APC: variants seen among roughly 807,000 people sequenced by gnomAD.
APC encodes APC regulator of Wnt signaling pathway, also known as adenomatous polyposis coli protein.
APC carries 72 observed loss-of-function variants against 247.0 expected under a neutral mutation model. The ratio of observed to expected loss-of-function variants is 0.29; its 90% confidence interval spans 0.24 to 0.35. The LOEUF is 0.35. Among genes scored for constraint, APC ranks in the 10% least tolerant of loss-of-function variants. The probability of loss-of-function intolerance (pLI) is 1.00; values close to 1 mark genes in which losing one functional copy is unlikely to be tolerated. For synonymous variants in APC, 1,254 were observed against 1,162.5 expected (o/e 1.08, Z -1.60); for missense variants, 3,400 against 3,360.7 (o/e 1.01, Z -0.29).
At chr5:112,795,014 G>A (rs938693937) in intron 7 of APC, among the ~76,000 whole-genome samples, 2 of 152,068 alleles carry the variant, frequency 1.3e-5, no homozygotes, top group African/African-American at 2.4e-5. Flanking sequence ...CACTCTTCTA[G>A]CACTTCATTG....
At chr5:112,825,272 C>A (rs1162970968) in intron 11 of APC, among the ~76,000 whole-genome samples, 1 of 152,220 alleles carries the variant, frequency 6.6e-6, no homozygotes, top group East Asian at 1.9e-4. Flanking sequence ...CTCTCCTGTT[C>A]TACAATACTT....
chr5:112,763,825 G>T (rs1052328186), intron 2 of APC, among the ~76,000 whole-genome samples: 1 of 152,194 alleles, frequency 6.6e-6, no homozygotes, highest in East Asian at 1.9e-4. Flanking sequence ...CAGATTTTCA[G>T]CCTCTACCCC....
intron 7 of APC, among the ~76,000 whole-genome samples, chr5:112,799,163 G>T (rs1760517832): frequency 7.9e-6 from 1 of 125,842 alleles, no homozygotes; most frequent in Non-Finnish European, 1.6e-5. Flanking sequence ...CAGCCTGGGT[G>T]ACAGGGCGAG....
At chr5:112,809,889 CG>C (rs369588361) in intron 8 of APC, among the ~76,000 whole-genome samples, 36 of 152,082 alleles carry the variant, frequency 2.4e-4, no homozygotes, top group African/African-American at 7.0e-4. Flanking sequence ...CCCAGCTACT[CG>C]GGAGGCTGAG....
chr5:112,781,981 G>A lies in APC; in HGVS notation c.645+1078G>A, dbSNP rs112625624. On this transcript the variant is annotated intron_variant, in intron 6 of 15. Coordinates refer to ENST00000257430, the MANE Select transcript of APC (RefSeq NM_000038.6). ...ACTGCTGACCTCAAGTGATCCACCG[G>A]CCTCAGCCTCCCAAAGTGCTAGGAT... Among the ~76,000 whole-genome samples the A allele has an allele frequency of 4.8e-3, 733 of 152,250 alleles. 7 individuals are homozygous for A. The highest frequency in any genetic ancestry group is 0.017 in the African/African-American group (700 of 41,558).
In APC at chr5:112,805,486, C is replaced by T. The variant is rs144942325; in HGVS notation, c.834+4103C>T. On this transcript the variant is annotated intron_variant, in intron 8 of 15. Coordinates refer to ENST00000257430, the MANE Select transcript of APC (RefSeq NM_000038.6). Reference sequence around the variant, plus strand: ...TTTAGCAGTAGCAATCATAGACTTGCCCACCATATTGGTGTTTGTATGACA... The same window carrying T: ...TTTAGCAGTAGCAATCATAGACTTGTCCACCATATTGGTGTTTGTATGACA... Among the ~76,000 whole-genome samples, 623 of 152,250 alleles carry T rather than the reference C, an allele frequency of 4.1e-3. 3 individuals are homozygous for T. The highest frequency in any genetic ancestry group is 0.01 in the Middle Eastern group (3 of 294).
Position 112,707,585 on chromosome 5 carries a change from C to A in APC, c.-133C>A, listed in dbSNP as rs79896135. 13 of 967,396 alleles carry A rather than the reference C, an allele frequency of 1.3e-5. 1 individual carries two copies. The South Asian group carries it at 1.4e-4, about 10-fold the overall frequency. The allele number at this position is 967,396 out of a possible 1,614,324, so 59.9% of individuals were successfully genotyped here. ...GGCCGCCGGAAGCCTAGCCGCTGCT[C>A]GGGGGGGACCTGCGGGCTCAGGCCC... On this transcript the variant is annotated 5_prime_UTR_variant, in exon 1 of 14. Transcript: ENST00000507379.
At chr5:112,819,916 C>T (rs1208590934) in intron 10 of APC, among the ~76,000 whole-genome samples, 1 of 151,950 alleles carries the variant, frequency 6.6e-6, no homozygotes, top group African/African-American at 2.4e-5. Flanking sequence ...AGTGGTAGAC[C>T]CAGGAACAGA....
chr5:112,752,162 T>A (rs1489600684), intron 1 of APC, among the ~76,000 whole-genome samples: 1 of 152,142 alleles, frequency 6.6e-6, no homozygotes, highest in Non-Finnish European at 1.5e-5. Flanking sequence ...TCTTTTATGA[T>A]TCTTTTGCTT....
chr5:112,731,342 G>A (rs897084178), intron 1 of APC, among the ~76,000 whole-genome samples: 4 of 152,104 alleles, frequency 2.6e-5, no homozygotes, highest in African/African-American at 9.7e-5. Context: ...AAATTTATTG[G>A]TTCATAGTTA....
intron 4 of APC, among the ~76,000 whole-genome samples, chr5:112,772,521 T>C (rs955173511): frequency 6.6e-6 from 1 of 151,760 alleles, no homozygotes; most frequent in Non-Finnish European, 1.5e-5. Flanking sequence ...CAGCTCTTTT[T>C]TTTTTTTTTT....
intron 1 of APC, among the ~76,000 whole-genome samples, chr5:112,753,475 A>G (rs1754607089): frequency 6.6e-6 from 1 of 152,184 alleles, no homozygotes; most frequent in African/African-American, 2.4e-5. Context: ...AGCAGATTGT[A>G]AGTGTTCATT....
At chr5:112,786,445 A>G (rs982640992) in intron 6 of APC, among the ~76,000 whole-genome samples, 4 of 152,176 alleles carry the variant, frequency 2.6e-5, no homozygotes, top group Admixed American at 2.0e-4. Context: ...TTACTTGTTC[A>G]GTGTGTATTT....
At chr5:112,722,740 A>G (rs1440929904) in intron 1 of APC, among the ~76,000 whole-genome samples, 2 of 152,156 alleles carry the variant, frequency 1.3e-5, no homozygotes, top group African/African-American at 4.8e-5. Flanking sequence ...AGAAGAAGAG[A>G]TGCACAGAGT....
intron 13 of APC, among the ~76,000 whole-genome samples, chr5:112,828,335 T>A (rs1763934518): frequency 6.6e-6 from 1 of 151,994 alleles, no homozygotes; most frequent in African/African-American, 2.4e-5. Context: ...AGATTGTTGC[T>A]CAGTATTTAG....
Position 112,815,579 on chromosome 5 carries a change from C to A in APC, c.919C>A (p.His307Asn). The A allele has an allele frequency of 1.9e-6, 3 of 1,610,790 alleles. No individual in the cohort carries two copies. The South Asian group carries it at 3.3e-5, about 18-fold the overall frequency. ...CTCTGCACCTCGAAGGCTGACAAGTCATCTGGGAACCAAGGTAACAGAAGA... is the reference window on the plus strand; with the variant it reads ...CTCTGCACCTCGAAGGCTGACAAGTAATCTGGGAACCAAGGTAACAGAAGA... ...THSAPRRLTS[H>N]LGTKVEMVYS... Residue 307 changes from histidine (H) to asparagine (N), a missense_variant, in exon 9 of 16, where the codon CAT becomes AAT. By Grantham distance (68) the His-to-Asn change is moderately conservative. This residue lies in a region of APC where 372 missense variants were observed against 367.6 expected (regional missense o/e 1.01). Transcript: ENST00000257430.
intron 7 of APC, among the ~76,000 whole-genome samples, chr5:112,795,216 T>TG (rs1044158375): frequency 8.6e-5 from 13 of 152,022 alleles, no homozygotes; most frequent in Non-Finnish European, 8.8e-5. Context: ...TTAGTAGAGA[T>TG]GGGGTTTCAC....
At chr5:112,812,567 A>G (rs1017119881) in intron 8 of APC, among the ~76,000 whole-genome samples, 21 of 152,188 alleles carry the variant, frequency 1.4e-4, no homozygotes, top group Non-Finnish European at 2.8e-4. Context: ...CCCTGTGGCT[A>G]ATCCCCCTCA....
chr5:112,819,311 C>A lies in APC; in HGVS notation c.1279C>A (p.His427Asn), dbSNP rs587779781. Residue 427 changes from histidine (H) to asparagine (N), a missense_variant, in exon 10 of 16, where the codon CAT becomes AAT. Around this residue, in one of 9 missense-constraint regions of APC, gnomAD observed 199 missense variants for 212.5 expected, o/e 0.94. Transcript: ENST00000257430. ...AACCTGTTGGGAGTGGCAGGAAGCT[C>A]ATGAACCAGGCATGGACCAGGACAA... is the stretch of plus-strand genomic sequence containing the variant. ...CETCWEWQEA[H>N]EPGMDQDKNP... is the part of the protein sequence containing the mutation. 2.5e-5 allele frequency: 41 copies of A among 1,614,006 alleles called. No individual in the cohort carries two copies. Among genetic ancestry groups the A allele is most frequent in the Non-Finnish European group, 3.4e-5 (40 of 1,179,956 alleles).
Sources: gnomAD v4.1 joint callset for allele counts (sites outside exome capture counted in the v4.1 genomes callset) on GRCh38, gnomAD v4.1.1 for gene constraint, gnomAD v4.1.1 regional missense constraint, MANE v1.5 for transcripts, NCBI Gene and HGNC (gene_info 2026-07-23, HGNC 2026-07-21) for gene names.